A2M: variants seen among roughly 807,000 people sequenced by gnomAD.
A2M encodes the protein C3 and PZP-like alpha-2-macroglobulin domain-containing protein 5.
A2M carries 128 observed loss-of-function variants against 183.9 expected under a neutral mutation model. That is an observed-to-expected ratio of 0.70 (90% CI 0.60 to 0.81). The LOEUF (loss-of-function observed/expected upper bound fraction) is 0.81. Among genes scored for constraint, A2M ranks in the 30% least tolerant of loss-of-function variants. The pLI, the probability that A2M is intolerant of heterozygous loss-of-function variation, is 0.00. For synonymous variants in A2M, 592 were observed against 670.8 expected, an observed-to-expected ratio of 0.88 and a Z score of 1.81; for missense variants, 1,495 against 1,787.6, an observed-to-expected ratio of 0.84 and a Z score of 2.95.
At chr12:9,080,271 T>C (rs890571438) in intron 22 of A2M, 94 bp from the exon 23 acceptor site, 2 of 711,348 alleles carry the variant, frequency 2.8e-6, no homozygotes, top group Non-Finnish European at 2.3e-6. Context: ...CTATGCCTTA[T>C]ACCTAAACTC....
At chr12:9,097,183 T>C (rs1949406410) in intron 15 of A2M, among the ~76,000 whole-genome samples, 1 of 152,220 alleles carries the variant, frequency 6.6e-6, no homozygotes, top group African/African-American at 2.4e-5. Flanking sequence ...ACATATCCTC[T>C]TGAGATCCTA....
chr12:9,107,146 G>T (rs1938356564), intron 8 of A2M, among the ~76,000 whole-genome samples: 1 of 152,108 alleles, frequency 6.6e-6, no homozygotes, highest in Non-Finnish European at 1.5e-5. Context: ...TCTATATGGG[G>T]ACTGTGTTTG....
chr12:9,076,049 G>A (rs1306840326), intron 28 of A2M, among the ~76,000 whole-genome samples: 1 of 152,064 alleles, frequency 6.6e-6, no homozygotes, highest in Non-Finnish European at 1.5e-5. Context: ...TATAGACCAT[G>A]GTATATGTAG....
At chr12:9,082,635 A>C (rs1488673469) in intron 22 of A2M, among the ~76,000 whole-genome samples, 2 of 152,228 alleles carry the variant, frequency 1.3e-5, no homozygotes, top group Non-Finnish European at 2.9e-5. Flanking sequence ...GCAAGGACAC[A>C]GGATTATGAA....
intron 11 of A2M, among the ~76,000 whole-genome samples, chr12:9,102,120 G>A (rs1476150372): frequency 1.3e-5 from 2 of 152,118 alleles, no homozygotes; most frequent in Non-Finnish European, 2.9e-5. Context: ...GTAACCTTAG[G>A]GGTCTGAGAA....
intron 29 of A2M, among the ~76,000 whole-genome samples, chr12:9,073,737 T>C (rs944931951): frequency 6.6e-6 from 1 of 152,138 alleles, no homozygotes; most frequent in Non-Finnish European, 1.5e-5. Flanking sequence ...ATTTAGGAGG[T>C]TGGATGAATA....
intron 22 of A2M, among the ~76,000 whole-genome samples, chr12:9,084,244 A>T (rs1241017396): frequency 2.0e-5 from 3 of 152,120 alleles, no homozygotes; most frequent in East Asian, 3.8e-4. Flanking sequence ...CAAAAACACA[A>T]AAGCACAAAA....
At chr12:9,083,280 A>G (rs1452436096) in intron 22 of A2M, among the ~76,000 whole-genome samples, 1 of 152,122 alleles carries the variant, frequency 6.6e-6, no homozygotes, top group African/African-American at 2.4e-5. Context: ...TAGGAGATAT[A>G]GCTAATGTAA....
rs771163473 is a variant in A2M, at chr12:9,067,721, A to G, written c.*102T>C. On this transcript the variant is annotated 3_prime_UTR_variant, in exon 36 of 36. Transcript: ENST00000318602. ...GAAACAGGGAAAGACATTGACCAGA[A>G]AAAGTGTTTATTCATCAAGTCTTTA... 7.9e-6 allele frequency: 8 copies of G among 1,012,322 alleles called. No individual in the cohort carries two copies. Among genetic ancestry groups the G allele is most frequent in the Non-Finnish European group, 1.2e-5 (8 of 650,188 alleles). The allele number at this position is 1,012,322 out of a possible 1,614,324, so 62.7% of individuals were successfully genotyped here.
intron 18 of A2M, among the ~76,000 whole-genome samples, chr12:9,092,805 A>G (rs1949252489): frequency 6.6e-6 from 1 of 152,230 alleles, no homozygotes; most frequent in South Asian, 2.1e-4. Context: ...GTAGAGATAT[A>G]TGTGTTTTGG....
Position 9,104,160 on chromosome 12 carries a change from T to C in A2M, c.1266+79A>G, listed in dbSNP as rs183250802. ...TCTCTCCATAGAACTAGACACAGTT[T>C]GGAAATTTTCTCACCCTTAGGTTGC... On this transcript the variant is annotated intron_variant, in intron 11 of 35. Transcript: ENST00000318602. 215 of 1,421,176 alleles carry C rather than the reference T, an allele frequency of 1.5e-4. No individual in the cohort carries two copies. The African/African-American group carries it at 2.5e-3, about 16-fold the overall frequency. The allele number at this position is 1,421,176 out of a possible 1,614,324, so 88.0% of individuals were successfully genotyped here. A position where few individuals can be genotyped will look rare whatever the true frequency, so the allele number is the denominator to read the frequency against.
rs750530812 is a variant in A2M at position 9,112,429 on chromosome 12, G to C, written c.378C>G (p.Asp126Glu). Residue 126 changes from aspartate to glutamate, a missense_variant, in exon 3 of 36, where the codon GAC becomes GAG. Coordinates refer to ENST00000318602, the MANE Select transcript of A2M (RefSeq NM_000014.6). ...TGTCTGTCTGGACAAAGACCAGACT[G>C]TCCTCGTTCTTAACCATCACTGTGG... Reference protein sequence around the residue: ...KRTTVMVKNEDSLVFVQTDKS... With the variant: ...KRTTVMVKNEESLVFVQTDKS... 2 of 1,613,882 alleles carry C rather than the reference G, an allele frequency of 1.2e-6. No individual in the cohort carries two copies. Among genetic ancestry groups the C allele is most frequent in the South Asian group, 1.1e-5 (1 of 91,064 alleles).
chr12:9,112,789 A>G (rs1938838769), intron 2 of A2M: 1 of 467,332 alleles, frequency 2.1e-6, no homozygotes, highest in Non-Finnish European at 3.9e-6. Context: ...AGCTCACAGA[A>G]ACAGTCTTGA....
intron 8 of A2M, 88 bp from the exon 9 acceptor site, chr12:9,106,693 G>A: frequency 1.6e-6 from 1 of 621,280 alleles, no homozygotes; most frequent in Non-Finnish European, 2.8e-6. Context: ...ATTTTTGTGG[G>A]GGGACAACAT....
chr12:9,074,168 G>C (rs1431922137), intron 29 of A2M, among the ~76,000 whole-genome samples: 1 of 151,686 alleles, frequency 6.6e-6, no homozygotes, highest in Non-Finnish European at 1.5e-5. Flanking sequence ...GGGGACCTAA[G>C]AATGGAGAGA....
intron 32 of A2M, 95 bp from the exon 33 acceptor site, chr12:9,069,908 G>T: frequency 9.7e-7 from 1 of 1,031,086 alleles, no homozygotes; most frequent in South Asian, 1.3e-5. Context: ...ATAACCCTGA[G>T]GGTAGAATTC....
intron 15 of A2M, among the ~76,000 whole-genome samples, chr12:9,097,266 A>G (rs143423174): frequency 8.1e-4 from 120 of 148,804 alleles, no homozygotes; most frequent in African/African-American, 3.0e-3. Flanking sequence ...TAGAAGGACA[A>G]ACAAGTAAGA....
chr12:9,107,856 C>A (rs1938415751), intron 7 of A2M, among the ~76,000 whole-genome samples: 1 of 152,066 alleles, frequency 6.6e-6, no homozygotes, highest in Non-Finnish European at 1.5e-5. Flanking sequence ...CTTCTTTTAT[C>A]ATTTCTTTTT....
chr12:9,107,048 C>G (rs1424947804), intron 8 of A2M, among the ~76,000 whole-genome samples: 1 of 152,164 alleles, frequency 6.6e-6, no homozygotes, highest in Non-Finnish European at 1.5e-5. Context: ...TTTTGAAATA[C>G]ACAGTACATC....
Sources: gnomAD v4.1 joint callset for allele counts (sites outside exome capture counted in the v4.1 genomes callset) on GRCh38, gnomAD v4.1.1 for gene constraint, MANE v1.5 for transcripts, NCBI Gene and HGNC (gene_info 2026-07-23, HGNC 2026-07-21) for gene names.